Variants in SGCD observed in about 807,000 individuals in gnomAD.
The protein encoded by SGCD is sarcoglycan delta.
A neutral mutation model predicts 36.6 loss-of-function variants in SGCD; 18 were observed. The ratio of observed to expected loss-of-function variants is 0.49; its 90% CI spans 0.34 to 0.73. The LOEUF (loss-of-function observed/expected upper bound fraction) is 0.73. Ranked by LOEUF, SGCD falls within the 30% of genes least tolerant of loss-of-function variation. SGCD has a pLI of 0.01. For missense variants in SGCD, 387 were observed against 346.7 expected (o/e 1.12, Z -0.92); for synonymous variants, 133 against 130.6 (o/e 1.02, Z -0.12).
chr5:156,286,826 A>T (rs1766613590), intron 3 of SGCD, among the ~76,000 whole-genome samples: 1 of 151,892 alleles, frequency 6.6e-6, no homozygotes, highest in Non-Finnish European at 1.5e-5. Flanking sequence ...AGTATAATAA[A>T]AAAAAAAAGA....
chr5:155,883,436 A>T (rs1014969237), intron 1 of SGCD, among the ~76,000 whole-genome samples: 1 of 152,148 alleles, frequency 6.6e-6, no homozygotes, highest in African/African-American at 2.4e-5. Context: ...TCTTTCTTTC[A>T]AACTTGAACA....
chr5:155,929,498 CA>C (rs1199725597), intron 1 of SGCD, among the ~76,000 whole-genome samples: 1 of 152,148 alleles, frequency 6.6e-6, no homozygotes, highest in Non-Finnish European at 1.5e-5. Flanking sequence ...ATTTTATTTA[CA>C]CATCACATTT....
chr5:155,968,719 A>G (rs1227040233), intron 1 of SGCD, among the ~76,000 whole-genome samples: 1 of 152,036 alleles, frequency 6.6e-6, no homozygotes, highest in African/African-American at 2.4e-5. Context: ...GGACTGCCAT[A>G]CATTCTTCTT....
At chr5:156,132,939 C>T (rs1457887167) in intron 3 of SGCD, among the ~76,000 whole-genome samples, 2 of 152,182 alleles carry the variant, frequency 1.3e-5, no homozygotes, top group African/African-American at 4.8e-5. Flanking sequence ...AGAGAAGAAT[C>T]TGGCTGGATA....
chr5:155,891,241 A>G (rs542814526), intron 1 of SGCD, among the ~76,000 whole-genome samples: 2 of 152,298 alleles, frequency 1.3e-5, no homozygotes, highest in South Asian at 4.1e-4. Flanking sequence ...CTTATTTCTC[A>G]TATATGTGCC....
At chr5:155,948,270 C>T (rs997629309) in intron 1 of SGCD, among the ~76,000 whole-genome samples, 5 of 152,118 alleles carry the variant, frequency 3.3e-5, no homozygotes, top group South Asian at 4.1e-4. Context: ...GGGTGACATT[C>T]TGTCTCAATA....
At chr5:156,324,459 C>A (rs964756132), upstream of SGCD, among the ~76,000 whole-genome samples, 11 of 151,968 alleles carry the variant, frequency 7.2e-5, no homozygotes, top group African/African-American at 2.7e-4. Context: ...AAAAAGACTA[C>A]CTTTTGGCTA....
chr5:156,680,141 A>C (rs1224528386), intron 7 of SGCD, among the ~76,000 whole-genome samples: 1 of 152,158 alleles, frequency 6.6e-6, no homozygotes, highest in Non-Finnish European at 1.5e-5. Flanking sequence ...TGAAGATGCA[A>C]ATGGCCTTTG....
At chr5:156,179,100 C>G (rs1016311018) in intron 3 of SGCD, among the ~76,000 whole-genome samples, 2 of 152,142 alleles carry the variant, frequency 1.3e-5, no homozygotes, top group African/African-American at 4.8e-5. Flanking sequence ...ATCATTGCTT[C>G]CTTATGGTGC....
intron 1 of SGCD, among the ~76,000 whole-genome samples, chr5:156,013,274 C>T (rs547356553): frequency 2.0e-4 from 30 of 152,054 alleles, no homozygotes; most frequent in Admixed American, 1.7e-3. Context: ...ATCTGCCGAC[C>T]TCAGCCTCCC....
At chr5:155,829,287 C>G in the SGCD span, among the ~76,000 whole-genome samples, 3 of 151,228 alleles carry the variant, frequency 2.0e-5, no homozygotes, top group Admixed American at 2.0e-4. Context: ...AGCCCAGAGC[C>G]CAGGAAACAG....
At chr5:155,738,512 A>G in the SGCD span, among the ~76,000 whole-genome samples, 3 of 152,184 alleles carry the variant, frequency 2.0e-5, no homozygotes, top group Non-Finnish European at 4.4e-5. Flanking sequence ...GAGCTGCCTC[A>G]TTATTTTTCT....
At chr5:156,026,199 A>T (rs923950705) in intron 1 of SGCD, among the ~76,000 whole-genome samples, 1 of 152,262 alleles carries the variant, frequency 6.6e-6, no homozygotes, top group Non-Finnish European at 1.5e-5. Flanking sequence ...GATTGACAAC[A>T]AATATCAGGC....
chr5:156,450,763 A>C, intron 3 of SGCD, among the ~76,000 whole-genome samples: 1 of 152,264 alleles, frequency 6.6e-6, no homozygotes, highest in African/African-American at 2.4e-5. Flanking sequence ...AAACTAATTA[A>C]GAGGAGGTAG....
intron 1 of SGCD, among the ~76,000 whole-genome samples, chr5:155,899,671 C>G (rs1449606697): frequency 6.6e-6 from 1 of 152,108 alleles, no homozygotes; most frequent in African/African-American, 2.4e-5. Context: ...GACCACCCCC[C>G]ACCCCATCAC....
chr5:156,101,053 C>T (rs1037798522), intron 1 of SGCD, among the ~76,000 whole-genome samples: 10 of 152,184 alleles, frequency 6.6e-5, no homozygotes, highest in Non-Finnish European at 8.8e-5. Context: ...GAAAGATGAT[C>T]TCTGTCTCTG....
At chr5:155,822,124 G>C in the SGCD span, among the ~76,000 whole-genome samples, 3 of 152,212 alleles carry the variant, frequency 2.0e-5, no homozygotes, top group African/African-American at 4.8e-5. Context: ...TCACAATCCA[G>C]TGAGGAGAGA....
chr5:155,969,286 T>C lies in SGCD; in HGVS notation c.-282+98862T>C, dbSNP rs181441085. ...TAACTGATACAAATATGCAAAAGTA[T>C]ATGAGTTCTGGTCCATGGAGTAATG... On this transcript the variant is annotated intron_variant, in intron 1 of 9. Transcript: ENST00000517913. 1.2e-3 allele frequency among the ~76,000 whole-genome samples: 180 copies of C among 152,254 alleles called. 3 individuals carry two copies. Among genetic ancestry groups the C allele is most frequent in the African/African-American group, 4.2e-3 (174 of 41,576 alleles).
At chr5:156,146,268 C>T (rs1354977108) in intron 3 of SGCD, among the ~76,000 whole-genome samples, 2 of 152,146 alleles carry the variant, frequency 1.3e-5, no homozygotes, top group Non-Finnish European at 2.9e-5. Context: ...TATGACATTG[C>T]ATTCAAAGAT....
Sources: allele counts gnomAD v4.1 joint callset (sites outside exome capture counted in the v4.1 genomes callset), GRCh38; gene constraint gnomAD v4.1.1; transcripts MANE v1.5; gene names NCBI Gene and HGNC (gene_info 2026-07-23, HGNC 2026-07-21).